SESN2: variants seen among roughly 807,000 people sequenced by gnomAD.
The protein encoded by SESN2 is sestrin-2.
SESN2 carries 42 observed loss-of-function variants against 56.0 expected under a neutral mutation model. The ratio of observed to expected loss-of-function variants is 0.75; its 90% CI spans 0.59 to 0.97. The LOEUF is 0.97. Among genes scored for constraint, SESN2 ranks in the 50% least tolerant of loss-of-function variants. SESN2 has a pLI of 0.00. For synonymous variants in SESN2, 264 were observed against 267.1 expected, an observed-to-expected ratio of 0.99 and a Z score of 0.11; for missense variants, 507 against 649.4, an observed-to-expected ratio of 0.78 and a Z score of 2.38.
At chr1:28,261,755 A>T (rs370543385) in intron 1 of SESN2, among the ~76,000 whole-genome samples, 6 of 149,734 alleles carry the variant, frequency 4.0e-5, no homozygotes, top group African/African-American at 1.2e-4. Context: ...AACTGCTGCT[A>T]TCTGGGAGGT....
intron 2 of SESN2, 46 bp from the exon 3 acceptor site, chr1:28,271,628 G>A (rs755587422): frequency 4.0e-6 from 6 of 1,485,214 alleles, no homozygotes; most frequent in Non-Finnish European, 4.7e-6. Flanking sequence ...TCTTTGATGA[G>A]TGGGGCAGGA....
At chr1:28,277,304 GTGATCCTTCTGCC>G (rs1166241696) in intron 8 of SESN2, among the ~76,000 whole-genome samples, 11 of 151,750 alleles carry the variant, frequency 7.2e-5, no homozygotes, top group Admixed American at 1.3e-4. Context: ...CTGAGCTCAG[GTGATCCTTCTGCC>G]TGATCCTTCT....
chr1:28,272,991 T>TGA (rs2149039013), intron 5 of SESN2, among the ~76,000 whole-genome samples, 198 bp downstream of exon 5: 1 of 152,250 alleles, frequency 6.6e-6, no homozygotes, highest in South Asian at 2.1e-4. Context: ...CACTGGGCTG[T>TGA]GAGGGTTAAA....
chr1:28,262,151 T>A (rs530889449), intron 1 of SESN2, among the ~76,000 whole-genome samples: 3 of 152,268 alleles, frequency 2.0e-5, no homozygotes, highest in South Asian at 4.1e-4. Flanking sequence ...CTTTGAGTGG[T>A]GGCATCCTTA....
At chr1:28,264,621 T>A (rs1228223606) in intron 1 of SESN2, among the ~76,000 whole-genome samples, 5 of 152,202 alleles carry the variant, frequency 3.3e-5, no homozygotes, top group Non-Finnish European at 7.4e-5. Flanking sequence ...ACTGAACCTG[T>A]ACCATCCAAT....
At chr1:28,269,713 G>A (rs1318652784) in intron 2 of SESN2, among the ~76,000 whole-genome samples, 1 of 152,052 alleles carries the variant, frequency 6.6e-6, no homozygotes, top group Non-Finnish European at 1.5e-5. Context: ...ATTTGCCACT[G>A]TTTACTGTGC....
intron 1 of SESN2, among the ~76,000 whole-genome samples, chr1:28,266,114 G>GT (rs1427616091): frequency 6.6e-6 from 1 of 152,144 alleles, no homozygotes; most frequent in African/African-American, 2.4e-5. Context: ...AATTAATTCT[G>GT]TTTCCACCTA....
chr1:28,261,029 T>C (rs1647359299), intron 1 of SESN2, among the ~76,000 whole-genome samples: 2 of 152,190 alleles, frequency 1.3e-5, no homozygotes, highest in East Asian at 1.9e-4. Flanking sequence ...TTTGGCCTTA[T>C]GATTTCGGAG....
Position 28,259,733 on chromosome 1 carries a change from G to T in SESN2, c.-115G>T. ...GTTCTGGAGCCCCGAGAGACGCCCC[G>T]GGGTTCTAGAAGCTCCCCGGCGGCG... On this transcript the variant is annotated 5_prime_UTR_variant, in exon 1 of 10. Transcript: ENST00000253063. 1 of 709,524 alleles carries T rather than the reference G, an allele frequency of 1.4e-6. No homozygotes were observed. Among genetic ancestry groups the T allele is most frequent in the Non-Finnish European group, 2.1e-6 (1 of 474,804 alleles). The allele number at this position is 709,524 out of a possible 1,614,324, so 44.0% of individuals were successfully genotyped here.
chr1:28,275,132 T>A, intron 8 of SESN2, 117 bp downstream of exon 8: 1 of 699,260 alleles, frequency 1.4e-6, no homozygotes, highest in Non-Finnish European at 2.3e-6. Context: ...GCCTATACTG[T>A]TTTTCAAAGC....
chr1:28,267,567 C>T (rs1335448048), intron 1 of SESN2, among the ~76,000 whole-genome samples: 2 of 152,074 alleles, frequency 1.3e-5, no homozygotes, highest in African/African-American at 4.8e-5. Flanking sequence ...GAACTGGGCG[C>T]CTCCTATCCC....
chr1:28,278,557 A>G (rs1424254744), intron 8 of SESN2, among the ~76,000 whole-genome samples: 1 of 152,254 alleles, frequency 6.6e-6, no homozygotes, highest in Non-Finnish European at 1.5e-5. Context: ...ACAGAGCGAG[A>G]CTCCGTCTCA....
In SESN2 at chr1:28,272,458, C is replaced by A; in HGVS notation, c.529C>A (p.His177Asn). Residue 177 changes from histidine to asparagine, a missense_variant, in exon 4 of 10, where the codon CAC becomes AAC. Transcript: ENST00000253063. The part of the protein sequence containing the change: ...AHRPWLITKE[H>N]IQALLKTGEH... ...TCGGCCATGGCTCATCACCAAGGAACACATCCAGGTGCAGGGGGCAGAGAG... is the reference window on the plus strand; with the variant it reads ...TCGGCCATGGCTCATCACCAAGGAAAACATCCAGGTGCAGGGGGCAGAGAG... The A allele has an allele frequency of 6.2e-7, 1 of 1,613,040 alleles. No individual in the cohort carries two copies. The highest frequency in any genetic ancestry group is 8.5e-7 in the Non-Finnish European group (1 of 1,179,824).
chr1:28,264,211 T>C (rs1036500115), intron 1 of SESN2, among the ~76,000 whole-genome samples: 1 of 151,736 alleles, frequency 6.6e-6, no homozygotes, highest in African/African-American at 2.4e-5. Context: ...CCCAGCTACT[T>C]AGGAGGCTGA....
Position 28,279,223 on chromosome 1 carries a change from C to T in SESN2, c.1338C>T (p.His446=). 6.2e-7 allele frequency: 1 copy of T among 1,614,152 alleles called. No homozygotes were observed. The highest frequency in any genetic ancestry group is 8.5e-7 in the Non-Finnish European group (1 of 1,180,032). The part of the protein sequence containing the change: ...TRRMYNLFWR[H]FRHSEKVHVN... The stretch of plus-strand genomic sequence containing the variant: ...GAATGTACAACCTCTTCTGGAGGCA[C>T]TTCCGCCACTCAGAGAAGGTATGAC... The change falls in exon 9 of 10, where the codon CAC becomes CAT. Residue 446 remains histidine, a synonymous_variant. Transcript: ENST00000253063.
At position 28,278,222 on chromosome 1, in the gene SESN2, C is replaced by T. The variant is rs536144054; in HGVS notation, c.1212-875C>T. The stretch of plus-strand genomic sequence containing the variant: ...TGACCTCCTCCTCTACCTTCCATGG[C>T]CTTTACTACAGAGTAGTGGTTATGG... On this transcript the variant is annotated intron_variant, in intron 8 of 9. Transcript: ENST00000253063. Among the ~76,000 whole-genome samples, 6 of 152,342 alleles carry T rather than the reference C, an allele frequency of 3.9e-5. No individual in the cohort carries two copies. In the East Asian group the frequency reaches 1.2e-3, roughly 29 times the overall value.
intron 6 of SESN2, 41 bp from the exon 7 acceptor site, chr1:28,273,999 C>A: frequency 7.7e-7 from 1 of 1,297,576 alleles, no homozygotes; most frequent in Non-Finnish European, 1.1e-6. Context: ...CCCTGCATGC[C>A]CCATGCCTCA....
chr1:28,262,304 A>G (rs535731301), intron 1 of SESN2, among the ~76,000 whole-genome samples: 5 of 152,148 alleles, frequency 3.3e-5, no homozygotes. Context: ...TATCTTCAGA[A>G]AGTTCCAAGG....
intron 8 of SESN2, among the ~76,000 whole-genome samples, chr1:28,278,673 T>C (rs1246242359): frequency 6.6e-6 from 1 of 152,240 alleles, no homozygotes; most frequent in East Asian, 1.9e-4. Context: ...AACTGCCTTG[T>C]TGATCATGAA....
Sources: gnomAD v4.1 joint callset for allele counts (sites outside exome capture counted in the v4.1 genomes callset) on GRCh38, gnomAD v4.1.1 for gene constraint, MANE v1.5 for transcripts, NCBI Gene and HGNC (gene_info 2026-07-23, HGNC 2026-07-21) for gene names.